HNRNPL: variants seen among roughly 807,000 people sequenced by gnomAD.
HNRNPL encodes heterogeneous nuclear ribonucleoprotein L.
Under a neutral mutation model 64.0 loss-of-function variants are expected in HNRNPL, and 12 were observed. The ratio of observed to expected loss-of-function variants is 0.19; its 90% CI spans 0.12 to 0.30. The LOEUF (loss-of-function observed/expected upper bound fraction) is 0.30, where lower values mean the gene tolerates loss of function less well. Among genes scored for constraint, HNRNPL ranks in the 10% least tolerant of loss-of-function variants. The probability of loss-of-function intolerance (pLI) is 1.00; values close to 1 mark genes in which losing one functional copy is unlikely to be tolerated. For synonymous variants in HNRNPL, 385 were observed against 313.0 expected, an observed-to-expected ratio of 1.23 and a Z score of -2.43; for missense variants, 484 against 797.4, an observed-to-expected ratio of 0.61 and a Z score of 4.73.
chr19:38,839,822 TTA>T lies in HNRNPL; in HGVS notation c.1233+272_1233+273del, dbSNP rs758164788. Among the ~76,000 whole-genome samples the T allele has an allele frequency of 2.2e-4, 33 of 152,386 alleles. 1 individual carries two copies. The highest frequency in any genetic ancestry group is 9.8e-4 in the Admixed American group (15 of 15,314). On this transcript the variant is annotated intron_variant, in intron 8 of 12. Transcript: ENST00000221419. ...GTGTTTCACTATAATGGATTCATTT[TTA>T]TGTTTTATAAATCTCTATGTTCATG...
At chr19:38,846,934 A>G (rs571847731) in intron 2 of HNRNPL, among the ~76,000 whole-genome samples, 98 of 151,956 alleles carry the variant, frequency 6.4e-4, no homozygotes, top group African/African-American at 2.3e-3. Context: ...AAAAATATAT[A>G]TATGTAAAAA....
In HNRNPL at chr19:38,844,385, G is replaced by A. The variant is rs372891039; in HGVS notation, c.711-281C>T. Among the ~76,000 whole-genome samples the A allele has an allele frequency of 3.3e-5, 5 of 152,234 alleles. No individual in the cohort carries two copies. In the South Asian group the frequency reaches 6.2e-4, roughly 19 times the overall value. Reference sequence around the variant, plus strand: ...CCTCTTCTGCCACACCACTTTCTCCGTCTCAGCCCTCTCACACCCTTCGAC... The same window carrying A: ...CCTCTTCTGCCACACCACTTTCTCCATCTCAGCCCTCTCACACCCTTCGAC... On this transcript the variant is annotated intron_variant, in intron 4 of 12. Transcript: ENST00000221419.
Position 38,849,844 on chromosome 19 carries a change from T to G in HNRNPL, c.123A>C (p.Gly41=), listed in dbSNP as rs1972446966. Residue 41 remains glycine, a synonymous_variant, in exon 1 of 13, where the codon GGA becomes GGC. Coordinates refer to ENST00000221419, the MANE Select transcript of HNRNPL (RefSeq NM_001533.3). Reference sequence around the variant, plus strand: ...CGCCGTAGTAGCGGCCACCGCCGCCTCCGCCGCCCGCCGCCGCCATCTTCA... The same window carrying G: ...CGCCGTAGTAGCGGCCACCGCCGCCGCCGCCGCCCGCCGCCGCCATCTTCA... The part of the protein sequence containing the change: ...AMVKMAAAGG[G]GGGGRYYGGG... 4 of 1,215,710 alleles carry G rather than the reference T, an allele frequency of 3.3e-6. No homozygotes were observed. The highest frequency in any genetic ancestry group is 4.6e-6 in the Non-Finnish European group (4 of 868,728). 75.3% of individuals were successfully genotyped at this position (1,215,710 alleles called of 1,614,324 possible).
intron 2 of HNRNPL, among the ~76,000 whole-genome samples, chr19:38,846,681 G>A: frequency 6.6e-6 from 1 of 152,080 alleles, no homozygotes; most frequent in East Asian, 1.9e-4. Flanking sequence ...GGCCGAGGCG[G>A]GCAGATCACG....
intron 6 of HNRNPL, 80 bp downstream of exon 6, chr19:38,843,762 C>A: frequency 8.2e-7 from 1 of 1,223,764 alleles, no homozygotes; most frequent in Non-Finnish European, 1.2e-6. Context: ...TTACATAACC[C>A]TGAGCCCAGG....
At chr19:38,845,572 C>G in intron 4 of HNRNPL, 78 bp downstream of exon 4, 1 of 1,178,812 alleles carries the variant, frequency 8.5e-7, no homozygotes, top group East Asian at 2.3e-5. Context: ...CAGACACATG[C>G]TGGCTCAAAG....
In HNRNPL at chr19:38,847,375, C is replaced by T; in HGVS notation, c.327G>A (p.Leu109=). Reference sequence around the variant, plus strand: ...GGTCTGCTTCCACCACACCGTCAATCAGGCCCCTGATGTGGACAACTGGGG... The same window carrying T: ...GGTCTGCTTCCACCACACCGTCAATTAGGCCCCTGATGTGGACAACTGGGG... The part of the protein sequence containing the change: ...PASPVVHIRG[L]IDGVVEADLV... The change falls in exon 2 of 13, where the codon CTG becomes CTA. Residue 109 remains leucine (L), a synonymous_variant. Transcript: ENST00000221419. The T allele has an allele frequency of 6.4e-7, 1 of 1,573,212 alleles. No individual in the cohort carries two copies. Among genetic ancestry groups the T allele is most frequent in the Non-Finnish European group, 8.6e-7 (1 of 1,158,108 alleles).
upstream of HNRNPL, chr19:38,850,058 C>A: frequency 4.5e-6 from 5 of 1,116,042 alleles, no homozygotes; most frequent in Non-Finnish European, 5.9e-6. Context: ...AGCCACTGGT[C>A]CCGCCGCGGG....
chr19:38,842,796 T>G (rs1972159842), intron 6 of HNRNPL, among the ~76,000 whole-genome samples: 1 of 152,092 alleles, frequency 6.6e-6, no homozygotes, highest in Non-Finnish European at 1.5e-5. Flanking sequence ...TCAAAACCAA[T>G]GCACAGCCAG....
At chr19:38,836,978 T>C (rs1222899114) in intron 12 of HNRNPL, 198 bp from the exon 13 acceptor site, 3 of 563,800 alleles carry the variant, frequency 5.3e-6, no homozygotes, top group Admixed American at 3.5e-5. Context: ...TTCATTCCCA[T>C]AGAGAATCCC....
chr19:38,838,774 G>A, intron 9 of HNRNPL, 120 bp downstream of exon 9: 1 of 1,417,204 alleles, frequency 7.1e-7, no homozygotes, highest in Admixed American at 1.7e-5. Context: ...GAACACACCT[G>A]CCACATCCCA....
At chr19:38,843,100 C>T (rs549798012) in intron 6 of HNRNPL, among the ~76,000 whole-genome samples, 21 of 152,226 alleles carry the variant, frequency 1.4e-4, no homozygotes, top group African/African-American at 3.1e-4. Flanking sequence ...AGGGCCTGTG[C>T]GATGTCAGCA....
rs1972201237 is a variant in HNRNPL at position 38,843,997 on chromosome 19, C to T, written c.807+11G>A. Reference sequence around the variant, plus strand: ...GCTGACAAGGGGCAGTCAGTCACCTCCCAGATGTACCTTTGCGTATTCGAT... The same window carrying T: ...GCTGACAAGGGGCAGTCAGTCACCTTCCAGATGTACCTTTGCGTATTCGAT... On this transcript the variant is annotated intron_variant, in intron 5 of 12. Coordinates refer to ENST00000221419, the MANE Select transcript of HNRNPL (RefSeq NM_001533.3). 6.2e-7 allele frequency: 1 copy of T among 1,610,742 alleles called. No homozygotes were observed. Among genetic ancestry groups the T allele is most frequent in the South Asian group, 1.1e-5 (1 of 91,006 alleles).
At chr19:38,850,081 C>A, upstream of HNRNPL, 4 of 798,294 alleles carry the variant, frequency 5.0e-6, no homozygotes. Flanking sequence ...GAGGGTAGGC[C>A]GCCACACGCC....
intron 6 of HNRNPL, chr19:38,841,596 T>C: frequency 8.4e-7 from 1 of 1,185,602 alleles, no homozygotes; most frequent in Non-Finnish European, 1.1e-6. Flanking sequence ...AAAAAACAAA[T>C]CTGTATTTTC....
upstream of HNRNPL, among the ~76,000 whole-genome samples, chr19:38,850,882 GA>G (rs1436680597): frequency 6.6e-6 from 1 of 152,212 alleles, no homozygotes; most frequent in African/African-American, 2.4e-5. Context: ...TCCCTTGGGA[GA>G]AGGCTCTTCC....
chr19:38,837,437 C>T lies in HNRNPL; in HGVS notation c.1658G>A (p.Ser553Asn). The stretch of plus-strand genomic sequence containing the variant: ...GAAGCCCAGAGTCTCCAGGGCATCG[C>T]TCTTGGATTCCCACTCCAGCAGTCC... The part of the protein sequence containing the change: ...SSGLLEWESK[S>N]DALETLGFLN... The change falls in exon 12 of 13, where the codon AGC becomes AAC. Residue 553 changes from serine (S) to asparagine (N), a missense_variant. Transcript: ENST00000221419. 1 of 1,614,258 alleles carries T rather than the reference C, an allele frequency of 6.2e-7. No individual in the cohort carries two copies. Among genetic ancestry groups the T allele is most frequent in the South Asian group, 1.1e-5 (1 of 91,088 alleles).
intron 1 of HNRNPL, among the ~76,000 whole-genome samples, chr19:38,848,333 T>G (rs1296319740): frequency 1.3e-5 from 2 of 152,194 alleles, no homozygotes; most frequent in African/African-American, 4.8e-5. Flanking sequence ...CCTCAGGTAA[T>G]CTGCCTGCCT....
At chr19:38,848,770 C>T (rs755140964) in intron 1 of HNRNPL, among the ~76,000 whole-genome samples, 1 of 152,200 alleles carries the variant, frequency 6.6e-6, no homozygotes, top group Non-Finnish European at 1.5e-5. Flanking sequence ...CTTTGTAAAT[C>T]GGGAATCCCA....
Sources: allele counts gnomAD v4.1 joint callset (sites outside exome capture counted in the v4.1 genomes callset), GRCh38; gene constraint gnomAD v4.1.1; transcripts MANE v1.5; gene names NCBI Gene and HGNC (gene_info 2026-07-23, HGNC 2026-07-21).